The following CLASP1 variants were observed in gnomAD, a reference collection of about 807,000 sequenced individuals.
CLASP1 encodes the protein CLIP-associating protein 1.
In CLASP1, 38 loss-of-function variants were observed where a neutral mutation model predicts 192.3. That is an observed-to-expected ratio of 0.20 (90% confidence interval 0.15 to 0.26). The LOEUF is 0.26. Among genes scored for constraint, CLASP1 ranks in the 10% least tolerant of loss-of-function variants. The pLI is 1.00. For missense variants in CLASP1, 1,433 were observed against 1,932.5 expected (o/e 0.74, Z 4.85); for synonymous variants, 691 against 712.8 (o/e 0.97, Z 0.49).
intron 30 of CLASP1, among the ~76,000 whole-genome samples, chr2:121,391,111 C>T (rs2074267203): frequency 6.6e-6 from 1 of 152,284 alleles, no homozygotes; most frequent in South Asian, 2.1e-4. Flanking sequence ...CACACATACA[C>T]ACGCTCATAT....
intron 2 of CLASP1, among the ~76,000 whole-genome samples, chr2:121,551,437 A>G (rs1451272020): frequency 1.3e-5 from 2 of 152,218 alleles, no homozygotes; most frequent in Non-Finnish European, 2.9e-5. Flanking sequence ...ATACGATTCT[A>G]TATCTAGAAA....
intron 7 of CLASP1, among the ~76,000 whole-genome samples, chr2:121,511,103 TAA>T (rs910492359): frequency 6.6e-6 from 1 of 152,116 alleles, no homozygotes; most frequent in Non-Finnish European, 1.5e-5. Flanking sequence ...CAAATGAAAC[TAA>T]AACAGTTATT....
intron 2 of CLASP1, among the ~76,000 whole-genome samples, chr2:121,578,838 T>G (rs1423599119): frequency 6.6e-6 from 1 of 152,022 alleles, no homozygotes; most frequent in East Asian, 1.9e-4. Context: ...TAAGAGGAAT[T>G]AAAAACACAC....
At chr2:121,605,384 CT>C (rs1225385723) in intron 2 of CLASP1, among the ~76,000 whole-genome samples, 2 of 152,192 alleles carry the variant, frequency 1.3e-5, no homozygotes, top group Non-Finnish European at 1.5e-5. Flanking sequence ...GACCTATTTG[CT>C]GCAAAACATA....
intron 10 of CLASP1, among the ~76,000 whole-genome samples, chr2:121,461,769 C>T (rs1002250470): frequency 2.0e-5 from 3 of 152,118 alleles, no homozygotes; most frequent in Admixed American, 6.6e-5. Flanking sequence ...CAAACTCCAC[C>T]TCCCGGGTTC....
chr2:121,460,212 GA>G (rs1415714994), intron 11 of CLASP1, 87 bp from the exon 12 acceptor site: 12 of 1,105,070 alleles, frequency 1.1e-5, no homozygotes, highest in Non-Finnish European at 1.0e-5. Context: ...ATACAAAAGA[GA>G]TCATTGTTAA....
chr2:121,517,064 A>C (rs1298495468), intron 6 of CLASP1, among the ~76,000 whole-genome samples: 1 of 152,238 alleles, frequency 6.6e-6, no homozygotes, highest in East Asian at 1.9e-4. Flanking sequence ...TGTTACTTTC[A>C]AATGGCTCAA....
chr2:121,631,028 A>G (rs35653508), intron 1 of CLASP1, among the ~76,000 whole-genome samples: 35,651 of 150,644 alleles, frequency 0.24, 6,487 homozygotes, highest in African/African-American at 0.5. Flanking sequence ...GTGTGGTGGC[A>G]GGCGCCCATA....
intron 2 of CLASP1, among the ~76,000 whole-genome samples, chr2:121,540,406 G>A (rs2104987111): frequency 6.6e-6 from 1 of 152,292 alleles, no homozygotes; most frequent in South Asian, 2.1e-4. Context: ...GGGAGGCTGA[G>A]GCTGGATGAT....
chr2:121,425,723 G>A (rs2080265211), intron 21 of CLASP1, among the ~76,000 whole-genome samples: 2 of 152,098 alleles, frequency 1.3e-5, no homozygotes, highest in Non-Finnish European at 2.9e-5. Flanking sequence ...TCTGACAAAT[G>A]ATATAAAAGG....
Position 121,425,209 on chromosome 2 carries a change from T to G in CLASP1, c.2142A>C (p.Ser714=), listed in dbSNP as rs576816145. Residue 714 remains serine (S), a synonymous_variant, in exon 22 of 40, where the codon TCA becomes TCC. Coordinates refer to ENST00000263710, the Ensembl canonical transcript of CLASP1. ...TCCTGGGAATCTTGCTTCGCTTTTC[T>G]GAAGACGGTGTCACAGGTGGGCCTC... 9.3e-6 allele frequency: 15 copies of G among 1,613,534 alleles called. No homozygotes were observed. The East Asian group carries it at 3.3e-4, about 36-fold the overall frequency.
At position 121,398,305 on chromosome 2, in the gene CLASP1, G is replaced by A. The variant is rs1485735031; in HGVS notation, c.2979+17C>T. On this transcript the variant is annotated intron_variant, in intron 29 of 39. Coordinates refer to ENST00000263710, the Ensembl canonical transcript of CLASP1. ...GTGAGTTCCAGGGTTGAATTGTAAT[G>A]ACAAATAATTACTGACCTTGAGGTT... 8 of 1,562,648 alleles carry A rather than the reference G, an allele frequency of 5.1e-6. No homozygotes were observed. The highest frequency in any genetic ancestry group is 7.0e-6 in the Non-Finnish European group (8 of 1,145,056).
chr2:121,604,106 T>C (rs773003762), intron 2 of CLASP1, among the ~76,000 whole-genome samples: 2 of 152,236 alleles, frequency 1.3e-5, no homozygotes, highest in Admixed American at 6.5e-5. Context: ...TTTGAGATGA[T>C]GGATATATTA....
chr2:121,539,154 T>C (rs1247292503), intron 2 of CLASP1, among the ~76,000 whole-genome samples: 3 of 152,218 alleles, frequency 2.0e-5, no homozygotes, highest in African/African-American at 7.2e-5. Flanking sequence ...ATATATTTTT[T>C]TAAGAACTAA....
chr2:121,347,669 G>A (rs1487680788), intron 38 of CLASP1, among the ~76,000 whole-genome samples: 1 of 152,190 alleles, frequency 6.6e-6, no homozygotes, highest in Non-Finnish European at 1.5e-5. Context: ...TTTGAGCTGG[G>A]CCTCCATCTA....
chr2:121,611,490 G>C (rs1371959942), intron 1 of CLASP1, among the ~76,000 whole-genome samples: 1 of 141,012 alleles, frequency 7.1e-6, no homozygotes, highest in African/African-American at 2.7e-5. Context: ...CGTTGGAGGA[G>C]TTACAGGAAG....
At chr2:121,514,243 G>A (rs1179855110) in intron 7 of CLASP1, among the ~76,000 whole-genome samples, 2 of 152,158 alleles carry the variant, frequency 1.3e-5, no homozygotes, top group African/African-American at 4.8e-5. Flanking sequence ...CATGGTCTGG[G>A]GTCACATCAA....
Position 121,530,235 on chromosome 2 carries a change from G to C in CLASP1, c.274+12C>G. 6.5e-7 allele frequency: 1 copy of C among 1,545,816 alleles called. No individual in the cohort carries two copies. Among genetic ancestry groups the C allele is most frequent in the South Asian group, 1.2e-5 (1 of 83,690 alleles). On this transcript the variant is annotated intron_variant, in intron 3 of 39. Coordinates refer to ENST00000263710, the Ensembl canonical transcript of CLASP1. The stretch of plus-strand genomic sequence containing the variant: ...AAGGGGCCGGGTCCGCTCCACAAGT[G>C]CCGCAGCTCACCTGTGCCGATCTGC...
At chr2:121,613,671 A>AT (rs981195124) in intron 1 of CLASP1, among the ~76,000 whole-genome samples, 8 of 151,860 alleles carry the variant, frequency 5.3e-5, no homozygotes, top group Non-Finnish European at 1.0e-4. Context: ...CTTAATTACC[A>AT]TATCTACCTG....
Sources: allele counts gnomAD v4.1 joint callset (sites outside exome capture counted in the v4.1 genomes callset), GRCh38; gene constraint gnomAD v4.1.1; transcripts MANE v1.5; gene names NCBI Gene and HGNC (gene_info 2026-07-23, HGNC 2026-07-21).